Variants in DRAM2 observed in about 807,000 individuals in gnomAD.
DRAM2 encodes the protein DNA damage-regulated autophagy modulator protein 2.
In DRAM2, 26 loss-of-function variants were observed where a neutral mutation model predicts 33.5. The observed-to-expected ratio is 0.78, with a 90% CI of 0.57 to 1.08. The LOEUF is 1.08. Ranked by LOEUF, DRAM2 falls within the 50% of genes least tolerant of loss-of-function variation. The pLI is 0.00. For synonymous variants in DRAM2, 98 were observed against 109.5 expected (o/e 0.89, Z 0.66); for missense variants, 311 against 318.1 (o/e 0.98, Z 0.17).
At chr1:111,120,842 G>T in intron 6 of DRAM2, 149 bp from the exon 7 acceptor site, 1 of 600,832 alleles carries the variant, frequency 1.7e-6, no homozygotes. Context: ...ACTTTCTGAA[G>T]TAATTTTCTC....
chr1:111,118,116 A>G lies in DRAM2; in HGVS notation c.*44T>C. 1 of 1,582,690 alleles carries G rather than the reference A, an allele frequency of 6.3e-7. No individual in the cohort carries two copies. The highest frequency in any genetic ancestry group is 8.7e-7 in the Non-Finnish European group (1 of 1,152,272). On this transcript the variant is annotated 3_prime_UTR_variant, in exon 10 of 10. Transcript: ENST00000484310. ...AGCAACTTCTGTGAACCTTTCCCCA[A>G]TCCCTGAGAATCATAATCATTACAG...
chr1:111,120,175 G>A (rs565345445), intron 7 of DRAM2, among the ~76,000 whole-genome samples: 65 of 151,814 alleles, frequency 4.3e-4, no homozygotes, highest in Non-Finnish European at 3.4e-4. Flanking sequence ...CCACCTCTTT[G>A]CTCAGAAAAT....
intron 5 of DRAM2, 90 bp from the exon 6 acceptor site, chr1:111,124,971 C>A: frequency 7.9e-6 from 8 of 1,008,826 alleles, no homozygotes; most frequent in Middle Eastern, 2.9e-4. Context: ...CACTGCTATC[C>A]AGAATCACAG....
chr1:111,126,422 A>G (rs1651034098), intron 4 of DRAM2, 128 bp from the exon 5 acceptor site: 9 of 568,482 alleles, frequency 1.6e-5, no homozygotes, highest in South Asian at 2.7e-5. Context: ...AGTTCAACTC[A>G]TATCATTTTA....
Position 111,118,871 on chromosome 1 carries a change from A to C in DRAM2, c.627T>G (p.Thr209=). ...AAAATGACATAGACCATTCTGCTGC[A>C]GTAGTGATCATGTGAAGCACATAAC... The part of the protein sequence containing the change: ...DKGYVLHMIT[T]AAEWSMSFSF... The change falls in exon 9 of 10, where the codon ACT becomes ACG. Residue 209 remains threonine (T), a synonymous_variant. Transcript: ENST00000484310. 1 of 1,609,798 alleles carries C rather than the reference A, an allele frequency of 6.2e-7. No individual in the cohort carries two copies. Among genetic ancestry groups the C allele is most frequent in the Non-Finnish European group, 8.5e-7 (1 of 1,177,586 alleles).
Position 111,118,838 on chromosome 1 carries a change from A to C in DRAM2, c.660T>G (p.Phe220Leu), listed in dbSNP as rs1226003462. 6.2e-7 allele frequency: 1 copy of C among 1,610,292 alleles called. No individual in the cohort carries two copies. The highest frequency in any genetic ancestry group is 1.3e-5 in the African/African-American group (1 of 74,674). The change falls in exon 9 of 10, where the codon TTT becomes TTG. Residue 220 changes from phenylalanine (F) to leucine (L), a missense_variant. Phe to Leu is a conservative substitution (Grantham distance 22). Coordinates refer to ENST00000484310, the MANE Select transcript of DRAM2 (RefSeq NM_001349884.2). ...CACGAATGTAAGTCAGGAAAAAACC[A>C]AAGAAGGAAAATGACATAGACCATT... is the stretch of plus-strand genomic sequence containing the variant. ...AAEWSMSFSF[F>L]GFFLTYIRDF...
At position 111,119,909 on chromosome 1, in the gene DRAM2, C is replaced by G; in HGVS notation, c.568G>C (p.Glu190Gln). The G allele has an allele frequency of 6.2e-7, 1 of 1,612,886 alleles. No homozygotes were observed. Among genetic ancestry groups the G allele is most frequent in the Non-Finnish European group, 8.5e-7 (1 of 1,179,156 alleles). Reference protein sequence around the residue: ...LHSGNFGTDLEQKLHWNPEDK... With the variant: ...LHSGNFGTDLQQKLHWNPEDK... ...TCGGGGTTCCAATGGAGTTTCTGTT[C>G]TAAATCAGTCCCAAAATTGCCACTG... The change falls in exon 8 of 10, where the codon GAA (glutamate) becomes CAA (glutamine). Residue 190 changes from glutamate (E) to glutamine (Q), a missense_variant. Physicochemically the swap from Glu to Gln is conservative, Grantham distance 29 (BLOSUM62 2). Transcript: ENST00000484310.
At chr1:111,133,071 A>G (rs1652428915) in intron 3 of DRAM2, among the ~76,000 whole-genome samples, 1 of 152,174 alleles carries the variant, frequency 6.6e-6, no homozygotes, top group African/African-American at 2.4e-5. Flanking sequence ...TAACTTCAAA[A>G]TACCAATCTG....
intron 5 of DRAM2, 136 bp from the exon 6 acceptor site, chr1:111,125,017 GAA>G (rs146295738): frequency 5.6e-5 from 34 of 606,258 alleles, no homozygotes; most frequent in South Asian, 4.8e-4. Flanking sequence ...AGAATAAAAA[GAA>G]AAAAAAAAAC....
At chr1:111,120,427 A>AAG in intron 7 of DRAM2, 89 bp downstream of exon 7, 2 of 336,578 alleles carry the variant, frequency 5.9e-6, no homozygotes, top group Non-Finnish European at 5.0e-6. Context: ...AAAGACAAAA[A>AAG]GGCTTCTTAT....
Sources: gnomAD v4.1 joint callset for allele counts (sites outside exome capture counted in the v4.1 genomes callset) on GRCh38, gnomAD v4.1.1 for gene constraint, MANE v1.5 for transcripts, NCBI Gene and HGNC (gene_info 2026-07-23, HGNC 2026-07-21) for gene names.